The following GLIPR2 variants were observed in gnomAD, a reference collection of about 807,000 sequenced individuals.
GLIPR2 encodes the protein Golgi-associated plant pathogenesis-related protein 1.
In GLIPR2, 21 loss-of-function variants were observed where a neutral mutation model predicts 20.4. The ratio of observed to expected loss-of-function variants is 1.03; its 90% CI spans 0.73 to 1.48. GLIPR2 has a LOEUF of 1.48. Among genes scored for constraint, GLIPR2 ranks in the 40% most tolerant of loss-of-function variants. The pLI, the probability that GLIPR2 is intolerant of heterozygous loss-of-function variation, is 0.00. For missense variants in GLIPR2, 205 were observed against 200.1 expected, an observed-to-expected ratio of 1.02 and a Z score of -0.15; for synonymous variants, 91 against 80.5, an observed-to-expected ratio of 1.13 and a Z score of -0.70.
intron 1 of GLIPR2, among the ~76,000 whole-genome samples, chr9:36,142,135 C>G (rs893065101): frequency 3.9e-5 from 6 of 152,180 alleles, no homozygotes; most frequent in Admixed American, 2.0e-4. Flanking sequence ...TCTTGAGAAG[C>G]CTTCGTTCTT....
At chr9:36,140,238 G>A (rs2132709429) in intron 1 of GLIPR2, among the ~76,000 whole-genome samples, 1 of 152,252 alleles carries the variant, frequency 6.6e-6, no homozygotes, top group Middle Eastern at 3.4e-3. Context: ...AAGAATATTA[G>A]TGTCCCTCCA....
intron 1 of GLIPR2, among the ~76,000 whole-genome samples, chr9:36,141,339 T>C (rs1170139016): frequency 6.6e-6 from 1 of 150,970 alleles, no homozygotes; most frequent in Non-Finnish European, 1.5e-5. Flanking sequence ...CCAGCTGAAA[T>C]TCATTCTTTT....
chr9:36,163,036 G>T lies in GLIPR2; in HGVS notation c.*514G>T, dbSNP rs903337816. 5 of 379,712 alleles carry T rather than the reference G, an allele frequency of 1.3e-5. No individual in the cohort carries two copies. The highest frequency in any genetic ancestry group is 3.8e-5 in the South Asian group (2 of 52,090). The allele number at this position is 379,712 out of a possible 1,614,324, so 23.5% of individuals were successfully genotyped here. ...AGCTTCCATCAGGAACATGGAGCAG[G>T]CAGGGACTCCATTTTACAGAATTAC... On this transcript the variant is annotated 3_prime_UTR_variant, in exon 5 of 5. Transcript: ENST00000377960.
chr9:36,159,284 G>A (rs1465783573), intron 4 of GLIPR2, among the ~76,000 whole-genome samples: 2 of 152,170 alleles, frequency 1.3e-5, no homozygotes, highest in East Asian at 3.9e-4. Context: ...AAAAGGAACT[G>A]AGATGTTTGG....
intron 4 of GLIPR2, among the ~76,000 whole-genome samples, chr9:36,157,121 A>G (rs1321317355): frequency 6.6e-6 from 1 of 150,458 alleles, no homozygotes; most frequent in African/African-American, 2.4e-5. Context: ...AGTTCAAGCG[A>G]TTCTCCTGCC....
At chr9:36,149,588 C>T (rs1042863389) in intron 3 of GLIPR2, among the ~76,000 whole-genome samples, 1 of 152,240 alleles carries the variant, frequency 6.6e-6, no homozygotes, top group Non-Finnish European at 1.5e-5. Flanking sequence ...ATTCCAGCCT[C>T]GCACAGCCTC....
intron 1 of GLIPR2, among the ~76,000 whole-genome samples, chr9:36,145,542 T>G (rs1825290497): frequency 6.6e-6 from 1 of 152,112 alleles, no homozygotes; most frequent in African/African-American, 2.4e-5. Context: ...AACAGTTAAA[T>G]GGAGGATAGA....
At position 36,162,805 on chromosome 9, in the gene GLIPR2, T is replaced by G. The variant is rs1195411559; in HGVS notation, c.*283T>G. 4.0e-6 allele frequency: 2 copies of G among 500,970 alleles called. No homozygotes were observed. Among genetic ancestry groups the G allele is most frequent in the African/African-American group, 3.9e-5 (2 of 50,638 alleles). The allele number at this position is 500,970 out of a possible 1,614,324, so 31.0% of individuals were successfully genotyped here. ...TTTTTTTTTTTTAATTTTTTGTTAT[T>G]TCTAAGCAAACCTCTTTTGTACTTT... On this transcript the variant is annotated 3_prime_UTR_variant, in exon 5 of 5. Transcript: ENST00000377960.
intron 1 of GLIPR2, chr9:36,141,758 A>G: frequency 2.2e-6 from 1 of 447,566 alleles, no homozygotes; most frequent in South Asian, 1.6e-5. Context: ...GGCTCAAGCG[A>G]TCCTCCCATC....
chr9:36,137,552 GCTC>G (rs1405654130), intron 1 of GLIPR2, among the ~76,000 whole-genome samples: 7 of 152,202 alleles, frequency 4.6e-5, no homozygotes, highest in South Asian at 2.1e-4. Context: ...TCTAGGCTCA[GCTC>G]CTGGGCTGGA....
At chr9:36,137,505 T>C (rs1159275667) in intron 1 of GLIPR2, among the ~76,000 whole-genome samples, 1 of 152,142 alleles carries the variant, frequency 6.6e-6, no homozygotes, top group Non-Finnish European at 1.5e-5. Context: ...TTGCCGGGCC[T>C]TCACCACCCC....
In GLIPR2 at chr9:36,141,651, T is replaced by C. The variant is rs537046992; in HGVS notation, c.13+4860T>C. The stretch of plus-strand genomic sequence containing the variant: ...AGGAGGGGCATAGACCTCCTCAGAA[T>C]CTTTTTTTTCTTTTTCTTTTGAGTC... On this transcript the variant is annotated intron_variant, in intron 1 of 4. Transcript: ENST00000377960. 2.6e-3 allele frequency among the ~76,000 whole-genome samples: 389 copies of C among 152,104 alleles called. 4 individuals carry two copies. The highest frequency in any genetic ancestry group is 8.6e-3 in the African/African-American group (358 of 41,482).
rs16932994 is a variant in GLIPR2, at chr9:36,147,874, C to T, written c.102C>T (p.Asn34=). ...TCCCCCCACTGAAGCTCTGCAAGAA[C>T]CTCAACCGGGAGGCTCAACAGTGAG... ...HGVPPLKLCK[N]LNREAQQYSE... Residue 34 remains asparagine, a synonymous_variant, in exon 2 of 5, where the codon AAC becomes AAT. Coordinates refer to ENST00000377960, the MANE Select transcript of GLIPR2 (RefSeq NM_022343.4). 5.7e-3 allele frequency: 8,972 copies of T among 1,567,526 alleles called. 434 individuals carry two copies. In the African/African-American group the frequency reaches 0.1, roughly 18 times the overall value.
Position 36,163,500 on chromosome 9 carries a change from C to G in GLIPR2, c.*978C>G, listed in dbSNP as rs1826153165. ...ACAGGGCGGGAGCCCAGGCCTGTTC[C>G]TGGCAGCTGTGGCTGCAGCTGTGCT... On this transcript the variant is annotated 3_prime_UTR_variant, in exon 5 of 5. Coordinates refer to ENST00000377960, the MANE Select transcript of GLIPR2 (RefSeq NM_022343.4). The G allele has an allele frequency of 6.5e-6, 1 of 153,720 alleles. No individual in the cohort carries two copies. The highest frequency in any genetic ancestry group is 1.4e-5 in the Non-Finnish European group (1 of 69,000). The allele number at this position is 153,720 out of a possible 1,614,324, so 9.5% of individuals were successfully genotyped here. A position where few individuals can be genotyped will look rare whatever the true frequency, so the allele number is the denominator to read the frequency against.
At chr9:36,146,886 C>A (rs78009392) in intron 1 of GLIPR2, among the ~76,000 whole-genome samples, 1 of 152,156 alleles carries the variant, frequency 6.6e-6, no homozygotes, top group South Asian at 2.1e-4. Context: ...GCGTTACATG[C>A]CGGTAGCTCC....
In GLIPR2 at chr9:36,162,688, G is replaced by A. The variant is rs1587167100; in HGVS notation, c.*166G>A. The A allele has an allele frequency of 1.2e-5, 8 of 690,074 alleles. No individual in the cohort carries two copies. The highest frequency in any genetic ancestry group is 5.0e-5 in the South Asian group (3 of 59,464). The allele number at this position is 690,074 out of a possible 1,614,324, so 42.7% of individuals were successfully genotyped here. Reference sequence around the variant, plus strand: ...CACTTGGACATACAGTTCTGTGTGCGCTCATTCTTATTACAGGAGTGAGCA... The same window carrying A: ...CACTTGGACATACAGTTCTGTGTGCACTCATTCTTATTACAGGAGTGAGCA... On this transcript the variant is annotated 3_prime_UTR_variant, in exon 5 of 5. Transcript: ENST00000377960.
chr9:36,150,764 A>G, intron 3 of GLIPR2, 108 bp from the exon 4 acceptor site: 1 of 742,852 alleles, frequency 1.3e-6, no homozygotes, highest in Non-Finnish European at 2.3e-6. Flanking sequence ...GCTTTCTCAG[A>G]TGTCTAATTG....
intron 1 of GLIPR2, among the ~76,000 whole-genome samples, chr9:36,143,658 T>C (rs1825191118): frequency 6.6e-6 from 1 of 152,118 alleles, no homozygotes; most frequent in Non-Finnish European, 1.5e-5. Flanking sequence ...TCATCTTGTC[T>C]CCTCTCACTC....
rs902641856 is a variant in GLIPR2 at position 36,146,803 on chromosome 9, C to A, written c.14-983C>A. Reference sequence around the variant, plus strand: ...TGGACCCCAGGGCCTCAGGCAGCCCCACCCCCATGGCTTAGGGCTGTCCGG... The same window carrying A: ...TGGACCCCAGGGCCTCAGGCAGCCCAACCCCCATGGCTTAGGGCTGTCCGG... On this transcript the variant is annotated intron_variant, in intron 1 of 4. Transcript: ENST00000377960. Among the ~76,000 whole-genome samples, 7 of 152,270 alleles carry A rather than the reference C, an allele frequency of 4.6e-5. No homozygotes were observed. The South Asian group carries it at 1.5e-3, about 32-fold the overall frequency.
Sources: allele counts gnomAD v4.1 joint callset (sites outside exome capture counted in the v4.1 genomes callset), GRCh38; gene constraint gnomAD v4.1.1; transcripts MANE v1.5; gene names NCBI Gene and HGNC (gene_info 2026-07-23, HGNC 2026-07-21).